Variants in FAF1 observed in about 807,000 individuals in gnomAD.
The protein encoded by FAF1 is FAS-associated factor 1.
A neutral mutation model predicts 92.5 loss-of-function variants in FAF1; 25 were observed. The ratio of observed to expected loss-of-function variants is 0.27; its 90% CI spans 0.20 to 0.38. The LOEUF (loss-of-function observed/expected upper bound fraction) is 0.38, where lower values mean the gene tolerates loss of function less well. Among genes scored for constraint, FAF1 ranks in the 10% least tolerant of loss-of-function variants. The pLI is 1.00. For synonymous variants in FAF1, 234 were observed against 273.2 expected, an observed-to-expected ratio of 0.86 and a Z score of 1.42; for missense variants, 636 against 793.3, an observed-to-expected ratio of 0.80 and a Z score of 2.38.
At chr1:50,912,216 C>A (rs190804950) in intron 1 of FAF1, among the ~76,000 whole-genome samples, 16 of 152,246 alleles carry the variant, frequency 1.1e-4, no homozygotes, top group Admixed American at 7.2e-4. Flanking sequence ...GCACAGGAGA[C>A]AGGAATGGTG....
intron 1 of FAF1, among the ~76,000 whole-genome samples, chr1:50,900,034 T>C (rs1249215400): frequency 1.3e-5 from 2 of 152,222 alleles, no homozygotes; most frequent in Non-Finnish European, 2.9e-5. Context: ...ATACTTTCCA[T>C]TTACTTTACT....
At chr1:50,741,285 A>G (rs2124490212) in intron 5 of FAF1, among the ~76,000 whole-genome samples, 1 of 152,354 alleles carries the variant, frequency 6.6e-6, no homozygotes, top group East Asian at 1.9e-4. Context: ...TCTGTCAGAC[A>G]AAGATGTAAA....
At chr1:50,923,132 CCTAAGG>C (rs1353919348) in intron 1 of FAF1, among the ~76,000 whole-genome samples, 1 of 152,148 alleles carries the variant, frequency 6.6e-6, no homozygotes, top group Admixed American at 6.5e-5. Flanking sequence ...AATAAAGTCT[CCTAAGG>C]CTAAGTGCAA....
intron 6 of FAF1, among the ~76,000 whole-genome samples, chr1:50,736,517 A>T (rs1659144327): frequency 6.6e-6 from 1 of 152,196 alleles, no homozygotes; most frequent in Non-Finnish European, 1.5e-5. Context: ...TGGGAGGCCG[A>T]GGTGGGAGGA....
chr1:50,741,290 T>C (rs928884720), intron 5 of FAF1, among the ~76,000 whole-genome samples: 1 of 152,158 alleles, frequency 6.6e-6, no homozygotes, highest in African/African-American at 2.4e-5. Flanking sequence ...CAGACAAAGA[T>C]GTAAAGAGCT....
At chr1:50,885,011 T>C (rs1445433137) in intron 1 of FAF1, among the ~76,000 whole-genome samples, 1 of 152,184 alleles carries the variant, frequency 6.6e-6, no homozygotes, top group Non-Finnish European at 1.5e-5. Context: ...GAAGGTTTTA[T>C]TTGTCTAGAA....
At chr1:50,874,362 T>C (rs945285250) in intron 1 of FAF1, among the ~76,000 whole-genome samples, 3 of 152,124 alleles carry the variant, frequency 2.0e-5, no homozygotes, top group Non-Finnish European at 2.9e-5. Flanking sequence ...TTGCTATATG[T>C]TTTTAATTTA....
chr1:50,723,968 C>T (rs1417489276), intron 6 of FAF1, among the ~76,000 whole-genome samples: 3 of 152,072 alleles, frequency 2.0e-5, no homozygotes, highest in South Asian at 2.1e-4. Context: ...AGACTGGTCT[C>T]GAACTCCTGA....
intron 1 of FAF1, among the ~76,000 whole-genome samples, chr1:50,870,075 G>T (rs1022816837): frequency 6.6e-6 from 1 of 152,176 alleles, no homozygotes; most frequent in African/African-American, 2.4e-5. Flanking sequence ...TAATTTGCAT[G>T]AATTCAATCT....
At chr1:50,793,310 G>GT (rs1249793137) in intron 3 of FAF1, among the ~76,000 whole-genome samples, 1 of 152,128 alleles carries the variant, frequency 6.6e-6, no homozygotes, top group Non-Finnish European at 1.5e-5. Context: ...GTTTACTAGA[G>GT]TATCTGTGTG....
At chr1:50,857,753 T>G (rs150671353) in intron 2 of FAF1, among the ~76,000 whole-genome samples, 176 bp downstream of exon 2, 5 of 151,962 alleles carry the variant, frequency 3.3e-5, no homozygotes, top group African/African-American at 1.2e-4. Context: ...TCATAATAAC[T>G]TAATACTGAG....
At chr1:50,869,714 TA>T (rs1644511278) in intron 1 of FAF1, among the ~76,000 whole-genome samples, 2 of 152,210 alleles carry the variant, frequency 1.3e-5, no homozygotes, top group Non-Finnish European at 2.9e-5. Flanking sequence ...TTTACCTACC[TA>T]GTATAGAGTT....
At chr1:50,665,775 T>C (rs1477733304) in intron 7 of FAF1, among the ~76,000 whole-genome samples, 2 of 152,220 alleles carry the variant, frequency 1.3e-5, no homozygotes, top group Admixed American at 1.3e-4. Context: ...TATAAAAAGT[T>C]GTTACGTGAT....
At chr1:50,780,477 C>G (rs936882031) in intron 4 of FAF1, 1 of 180,974 alleles carries the variant, frequency 5.5e-6, no homozygotes, top group Non-Finnish European at 1.2e-5. Flanking sequence ...ATGGAGCACA[C>G]AACACCGGTA....
At chr1:50,725,928 G>A (rs912889467) in intron 6 of FAF1, among the ~76,000 whole-genome samples, 2 of 152,144 alleles carry the variant, frequency 1.3e-5, no homozygotes, top group African/African-American at 4.8e-5. Flanking sequence ...TGCAGGACTA[G>A]AGCTCAATAA....
chr1:50,928,302 A>AATTCTAATAGAATT, intron 1 of FAF1, among the ~76,000 whole-genome samples: 1 of 152,242 alleles, frequency 6.6e-6, no homozygotes, highest in Non-Finnish European at 1.5e-5. Flanking sequence ...GGAAAAGTCT[A>AATTCTAATAGAATT]AGAAAGTAAT....
intron 17 of FAF1, among the ~76,000 whole-genome samples, chr1:50,489,012 T>C (rs1467410023): frequency 1.3e-5 from 2 of 152,238 alleles, no homozygotes; most frequent in Non-Finnish European, 2.9e-5. Context: ...GTTTCACTTA[T>C]CTTTTAAGAC....
rs559308608 is a variant in FAF1 at position 50,879,174 on chromosome 1, G to A, written c.46-21177C>T. On this transcript the variant is annotated intron_variant, in intron 1 of 18. Coordinates refer to ENST00000396153, the MANE Select transcript of FAF1 (RefSeq NM_007051.3). ...GTATGATAATCTCTTGAACCCGGGA[G>A]GCGGAGTCTACAGTGAGACAAGATT... Among the ~76,000 whole-genome samples the A allele has an allele frequency of 7.7e-3, 1,172 of 152,292 alleles. 6 individuals are homozygous for A. The highest frequency in any genetic ancestry group is 0.02 in the Middle Eastern group (6 of 294).
At chr1:50,958,704 TA>T (rs1645290983) in intron 1 of FAF1, among the ~76,000 whole-genome samples, 2 of 151,242 alleles carry the variant, frequency 1.3e-5, no homozygotes, top group African/African-American at 4.9e-5. Flanking sequence ...TAATTAATTT[TA>T]AAAAAAATAA....
Sources: allele counts gnomAD v4.1 joint callset (sites outside exome capture counted in the v4.1 genomes callset), GRCh38; gene constraint gnomAD v4.1.1; transcripts MANE v1.5; gene names NCBI Gene and HGNC (gene_info 2026-07-23, HGNC 2026-07-21).